Variants in ADAP2 observed in about 807,000 individuals in gnomAD.
ADAP2 encodes the protein arf-GAP with dual PH domain-containing protein 2.
ADAP2 carries 42 observed loss-of-function variants against 54.9 expected under a neutral mutation model. The ratio of observed to expected loss-of-function variants is 0.77; its 90% CI spans 0.60 to 0.99. ADAP2 has a LOEUF of 0.99. Ranked by LOEUF, ADAP2 falls within the 50% of genes least tolerant of loss-of-function variation. The pLI, the probability that ADAP2 is intolerant of heterozygous loss-of-function variation, is 0.00. For synonymous variants in ADAP2, 177 were observed against 180.1 expected, an observed-to-expected ratio of 0.98 and a Z score of 0.14; for missense variants, 429 against 480.4, an observed-to-expected ratio of 0.89 and a Z score of 1.00.
Position 30,945,446 on chromosome 17 carries a change from C to T in ADAP2, c.657+393C>T, listed in dbSNP as rs185055272. The stretch of plus-strand genomic sequence containing the variant: ...TCAACATGTGGTCCTGGCCCAACAG[C>T]ATTGGCATCACCCAGGAGCTCAAGG... On this transcript the variant is annotated intron_variant, in intron 6 of 10. Coordinates refer to ENST00000330889, the MANE Select transcript of ADAP2 (RefSeq NM_018404.3). 5.9e-5 allele frequency among the ~76,000 whole-genome samples: 9 copies of T among 152,258 alleles called. No individual in the cohort carries two copies. In the East Asian group the frequency reaches 1.7e-3, roughly 29 times the overall value.
intron 5 of ADAP2, among the ~76,000 whole-genome samples, chr17:30,944,632 G>A (rs1246329538): frequency 6.6e-6 from 1 of 151,686 alleles, no homozygotes; most frequent in African/African-American, 2.4e-5. Flanking sequence ...GCTAATTTTT[G>A]TATTTTTAGT....
At chr17:30,926,969 C>T in intron 3 of ADAP2, 51 bp downstream of exon 3, 1 of 1,357,810 alleles carries the variant, frequency 7.4e-7, no homozygotes, top group South Asian at 1.2e-5. Context: ...CCTGGTTCCA[C>T]CTCCTCCCCC....
intron 2 of ADAP2, among the ~76,000 whole-genome samples, chr17:30,926,380 C>T (rs1022079642): frequency 6.6e-6 from 1 of 152,198 alleles, no homozygotes; most frequent in Non-Finnish European, 1.5e-5. Context: ...CCTCCAGGTA[C>T]ATTTATCTCC....
chr17:30,945,416 G>C (rs1247138156), intron 6 of ADAP2, among the ~76,000 whole-genome samples: 7 of 152,130 alleles, frequency 4.6e-5, no homozygotes, highest in Non-Finnish European at 1.0e-4. Context: ...CCGGGACCCT[G>C]CTTCTCAACA....
In ADAP2 at chr17:30,949,268, T is replaced by C. The variant is rs765737517; in HGVS notation, c.658-19T>C. On this transcript the variant is annotated intron_variant, in intron 6 of 10. Transcript: ENST00000330889. ...CCATCTCACTGCTGTGTGTGTGTCC[T>C]GTGCACTTCTCTCCGCAGGAGATAG... The C allele has an allele frequency of 2.5e-5, 40 of 1,602,920 alleles. No individual in the cohort carries two copies. Among genetic ancestry groups the C allele is most frequent in the Non-Finnish European group, 1.7e-6 (2 of 1,170,712 alleles).
intron 5 of ADAP2, among the ~76,000 whole-genome samples, chr17:30,935,002 G>A (rs566983283): frequency 5.9e-5 from 9 of 152,226 alleles, no homozygotes; most frequent in East Asian, 5.8e-4. Context: ...GCATTGAGCC[G>A]AGATTGTGCC....
intron 5 of ADAP2, among the ~76,000 whole-genome samples, chr17:30,943,539 C>T (rs535225707): frequency 6.6e-6 from 1 of 152,126 alleles, no homozygotes; most frequent in African/African-American, 2.4e-5. Context: ...TCATAGAATA[C>T]TACACAGCCA....
At chr17:30,925,564 CTTCTCTTTTCTTT>C (rs955008231) in intron 2 of ADAP2, among the ~76,000 whole-genome samples, 8 of 150,794 alleles carry the variant, frequency 5.3e-5, no homozygotes, top group East Asian at 3.9e-4. Context: ...TCTTCTTCTT[CTTCTCTTTTCTTT>C]TCTTTTCTTT....
Position 30,922,969 on chromosome 17 carries a change from A to G in ADAP2, c.124A>G (p.Ile42Val). ...CGACTGGGCCTCTTACAAGCTGGGGATCTTCATCTGTCTCAACTGCTGCGG... is the reference window on the plus strand; with the variant it reads ...CGACTGGGCCTCTTACAAGCTGGGGGTCTTCATCTGTCTCAACTGCTGCGG... ...DPDWASYKLGIFICLNCCGVH... is the reference protein window; with the variant it reads ...DPDWASYKLGVFICLNCCGVH... The change falls in exon 2 of 11, where the codon ATC becomes GTC. Residue 42 changes from isoleucine to valine, a missense_variant. Transcript: ENST00000330889. 6.2e-7 allele frequency: 1 copy of G among 1,613,660 alleles called. No homozygotes were observed.
chr17:30,933,649 G>A (rs750194136), intron 4 of ADAP2, among the ~76,000 whole-genome samples: 5 of 152,122 alleles, frequency 3.3e-5, no homozygotes, highest in Non-Finnish European at 5.9e-5. Flanking sequence ...ACAGGCACGC[G>A]CCACCATGCC....
At chr17:30,956,727 GGGTGCTGTCTGTACCCCTTGC>G (rs1185210260) in intron 10 of ADAP2, 2 of 519,208 alleles carry the variant, frequency 3.9e-6, no homozygotes, top group Admixed American at 6.4e-5. Flanking sequence ...CAGAACCCCT[GGGTGCTGTCTGTACCCCTTGC>G]GGTGTGGGGG....
Position 30,922,049 on chromosome 17 carries a change from TG to T in ADAP2, c.37del (p.Glu13SerfsTer65). The T allele has an allele frequency of 7.8e-7, 1 of 1,274,796 alleles. No homozygotes were observed. The highest frequency in any genetic ancestry group is 9.8e-7 in the Non-Finnish European group (1 of 1,015,426). 79.0% of individuals were successfully genotyped at this position (1,274,796 alleles called of 1,614,324 possible). ...GDRERNKKRL[L>X]ELLRAPDTGN... is the part of the protein sequence containing the mutation. ...CGCGAGCGCAACAAGAAGCGGCTGC[TG>T]GAGCTGCTGCGGGCGCCGGACACAG... On this transcript the variant is annotated frameshift_variant, in exon 1 of 11. Coordinates refer to ENST00000330889, the MANE Select transcript of ADAP2 (RefSeq NM_018404.3). LOFTEE classifies it high-confidence loss of function.
intron 4 of ADAP2, among the ~76,000 whole-genome samples, chr17:30,932,868 T>A (rs1396023809): frequency 6.6e-6 from 1 of 152,108 alleles, no homozygotes; most frequent in East Asian, 1.9e-4. Context: ...GCGCCCAGCA[T>A]CAAACACTTA....
At chr17:30,949,487 G>T (rs929366933) in intron 7 of ADAP2, 117 bp downstream of exon 7, 1 of 876,036 alleles carries the variant, frequency 1.1e-6, no homozygotes, top group African/African-American at 1.7e-5. Flanking sequence ...GGTGGCTCAC[G>T]CCTGTAATCC....
At chr17:30,949,428 C>A in intron 7 of ADAP2, 58 bp downstream of exon 7, 2 of 1,514,892 alleles carry the variant, frequency 1.3e-6, no homozygotes, top group Admixed American at 1.7e-5. Flanking sequence ...CCTTCTTTCC[C>A]TGTCTGTTGA....
At chr17:30,939,924 A>G (rs1438844095) in intron 5 of ADAP2, among the ~76,000 whole-genome samples, 1 of 152,104 alleles carries the variant, frequency 6.6e-6, no homozygotes, top group Non-Finnish European at 1.5e-5. Context: ...GGGTCCTGGG[A>G]ATTTAACCAT....
intron 7 of ADAP2, 100 bp downstream of exon 7, chr17:30,949,470 T>C (rs779983233): frequency 9.6e-5 from 107 of 1,119,142 alleles, no homozygotes; most frequent in Middle Eastern, 6.0e-4. Flanking sequence ...AGACTAGGGC[T>C]GGGCGCGGTG....
intron 2 of ADAP2, among the ~76,000 whole-genome samples, chr17:30,924,712 G>C (rs1163981257): frequency 6.6e-6 from 1 of 152,112 alleles, no homozygotes; most frequent in Non-Finnish European, 1.5e-5. Flanking sequence ...ACTAAGTGCT[G>C]GGTCTTGGGA....
chr17:30,931,648 C>T (rs979731917), intron 3 of ADAP2, among the ~76,000 whole-genome samples: 1 of 151,836 alleles, frequency 6.6e-6, no homozygotes, highest in Non-Finnish European at 1.5e-5. Context: ...TAGGGAGACC[C>T]CCATCTCTAC....
Sources: allele counts gnomAD v4.1 joint callset (sites outside exome capture counted in the v4.1 genomes callset), GRCh38; gene constraint gnomAD v4.1.1; transcripts MANE v1.5; gene names NCBI Gene and HGNC (gene_info 2026-07-23, HGNC 2026-07-21).